Variants in PDE1A observed in about 807,000 individuals in gnomAD.
PDE1A encodes dual specificity calcium/calmodulin-dependent 3',5'-cyclic nucleotide phosphodiesterase 1A.
A neutral mutation model predicts 61.7 loss-of-function variants in PDE1A; 35 were observed. The ratio of observed to expected loss-of-function variants is 0.57; its 90% CI spans 0.43 to 0.75. PDE1A has a LOEUF of 0.75. Among genes scored for constraint, PDE1A ranks in the 30% least tolerant of loss-of-function variants. The probability of loss-of-function intolerance (pLI) is 0.00; values close to 1 mark genes in which losing one functional copy is unlikely to be tolerated. For synonymous variants in PDE1A, 232 were observed against 213.2 expected (o/e 1.09, Z -0.77); for missense variants, 597 against 630.6 (o/e 0.95, Z 0.57).
intron 2 of PDE1A, among the ~76,000 whole-genome samples, chr2:182,436,735 C>T (rs1359875200): frequency 6.6e-6 from 1 of 151,852 alleles, no homozygotes; most frequent in African/African-American, 2.4e-5. Context: ...AAGGTAGAAT[C>T]GCATATCTTC....
chr2:182,596,681 G>GGATGGATGGATA, the PDE1A span, among the ~76,000 whole-genome samples: 1 of 123,308 alleles, frequency 8.1e-6, no homozygotes, highest in Non-Finnish European at 1.5e-5. Context: ...ATAATAAACT[G>GGATGGATGGATA]GATGGATGGA....
intron 2 of PDE1A, among the ~76,000 whole-genome samples, chr2:182,483,346 C>G (rs1247964332): frequency 6.6e-6 from 1 of 151,900 alleles, no homozygotes. Flanking sequence ...TCAGAGAGCA[C>G]TCCACCCAAC....
At chr2:182,579,667 C>T in the PDE1A span, among the ~76,000 whole-genome samples, 17 of 151,880 alleles carry the variant, frequency 1.1e-4, no homozygotes, top group African/African-American at 1.5e-4. Flanking sequence ...GTTTGAAAGA[C>T]GGGGATAACT....
chr2:182,179,275 G>A (rs777874102), intron 13 of PDE1A, among the ~76,000 whole-genome samples: 37 of 151,668 alleles, frequency 2.4e-4, no homozygotes, highest in Admixed American at 1.2e-3. Context: ...TTTTTTTTCT[G>A]TCTCATGTTT....
At position 182,455,819 on chromosome 2, in the gene PDE1A, A is replaced by T. The variant is rs901430226; in HGVS notation, c.101+66457T>A. Reference sequence around the variant, plus strand: ...ATACCTAATGCTAAATGACGAGTTAATGGGTGCAGCACACCAACATGGCAC... The same window carrying T: ...ATACCTAATGCTAAATGACGAGTTATTGGGTGCAGCACACCAACATGGCAC... On this transcript the variant is annotated intron_variant, in intron 2 of 14. Transcript: ENST00000410103. Among the ~76,000 whole-genome samples the T allele has an allele frequency of 5.9e-5, 9 of 152,088 alleles. No individual in the cohort carries two copies. In the East Asian group the frequency reaches 1.7e-3, roughly 29 times the overall value.
At chr2:182,625,705 A>G in the PDE1A span, among the ~76,000 whole-genome samples, 1 of 152,200 alleles carries the variant, frequency 6.6e-6, no homozygotes, top group African/African-American at 2.4e-5. Flanking sequence ...TTCAGTTTAC[A>G]TTGCTTTTAA....
chr2:182,222,229 C>T (rs966249909), intron 7 of PDE1A, among the ~76,000 whole-genome samples: 10 of 151,928 alleles, frequency 6.6e-5, no homozygotes, highest in African/African-American at 2.4e-4. Context: ...AATAAGCTGT[C>T]AACCATGAAA....
intron 1 of PDE1A, among the ~76,000 whole-genome samples, chr2:182,278,974 T>C (rs1693624804): frequency 6.6e-6 from 1 of 152,006 alleles, no homozygotes; most frequent in South Asian, 2.1e-4. Context: ...TCATTTCTTT[T>C]CCAACTCAGA....
At position 182,226,164 on chromosome 2, in the gene PDE1A, A is replaced by T. The variant is rs1005203064; in HGVS notation, c.676-2200T>A. On this transcript the variant is annotated intron_variant, in intron 6 of 13. Transcript: ENST00000351439. The stretch of plus-strand genomic sequence containing the variant: ...TATTTATAAATATAGCTGTGGTTTT[A>T]AAAAAGGCAGCATTCATTATCTACT... Among the ~76,000 whole-genome samples, 3 of 149,994 alleles carry T rather than the reference A, an allele frequency of 2.0e-5. No individual in the cohort carries two copies. In the East Asian group the frequency reaches 5.8e-4, roughly 29 times the overall value.
intron 2 of PDE1A, among the ~76,000 whole-genome samples, chr2:182,461,096 A>G (rs909034256): frequency 9.9e-5 from 15 of 152,080 alleles, no homozygotes; most frequent in African/African-American, 3.6e-4. Context: ...CATTTCACAG[A>G]CTTATTTGGC....
At chr2:182,375,060 A>AT (rs571135236) in intron 1 of PDE1A, among the ~76,000 whole-genome samples, 1 of 152,198 alleles carries the variant, frequency 6.6e-6, no homozygotes, top group Non-Finnish European at 1.5e-5. Flanking sequence ...TACTCAAATT[A>AT]TCTTCCACCA....
At chr2:182,284,065 G>A (rs1693999981) in intron 1 of PDE1A, among the ~76,000 whole-genome samples, 1 of 152,006 alleles carries the variant, frequency 6.6e-6, no homozygotes, top group Non-Finnish European at 1.5e-5. Context: ...CTAGTGACCT[G>A]GCAGCCCTTA....
intron 2 of PDE1A, among the ~76,000 whole-genome samples, chr2:182,498,406 GAGAT>G (rs1360440255): frequency 3.9e-5 from 6 of 151,942 alleles, no homozygotes; most frequent in Non-Finnish European, 8.8e-5. Flanking sequence ...GAAAGGCTGA[GAGAT>G]AGATGTTAAA....
At chr2:182,596,788 A>G in the PDE1A span, among the ~76,000 whole-genome samples, 1 of 152,210 alleles carries the variant, frequency 6.6e-6, no homozygotes, top group South Asian at 2.1e-4. Flanking sequence ...TGAAAGCTGT[A>G]GAGTAACCAG....
At chr2:182,304,681 G>A (rs1273365693) in intron 1 of PDE1A, among the ~76,000 whole-genome samples, 1 of 152,164 alleles carries the variant, frequency 6.6e-6, no homozygotes, top group African/African-American at 2.4e-5. Flanking sequence ...AAGAGAGGGA[G>A]AAAGACACGG....
intron 2 of PDE1A, among the ~76,000 whole-genome samples, chr2:182,465,992 C>A (rs908893013): frequency 5.9e-5 from 9 of 151,826 alleles, no homozygotes; most frequent in Non-Finnish European, 1.3e-4. Context: ...AACAATGATA[C>A]AATTTAGGGT....
chr2:182,624,665 G>T, the PDE1A span, among the ~76,000 whole-genome samples: 9 of 152,120 alleles, frequency 5.9e-5, no homozygotes, highest in Non-Finnish European at 7.3e-5. Flanking sequence ...CTGGCTAGAG[G>T]CCTGTCAGTC....
the PDE1A span, among the ~76,000 whole-genome samples, chr2:182,679,333 G>A: frequency 2.6e-4 from 39 of 148,508 alleles, no homozygotes; most frequent in East Asian, 3.5e-3. Context: ...ACAGGCGCCC[G>A]CCACCATGCT....
At chr2:182,608,280 T>C in the PDE1A span, among the ~76,000 whole-genome samples, 51 of 152,192 alleles carry the variant, frequency 3.4e-4, no homozygotes, top group Non-Finnish European at 5.9e-4. Flanking sequence ...CATAAAGAAA[T>C]TATCTGACCT....
Sources: allele counts gnomAD v4.1 joint callset (sites outside exome capture counted in the v4.1 genomes callset), GRCh38; gene constraint gnomAD v4.1.1; transcripts MANE v1.5; gene names NCBI Gene and HGNC (gene_info 2026-07-23, HGNC 2026-07-21).